The following CFAP44 variants were observed in gnomAD, a reference collection of about 807,000 sequenced individuals.
The protein encoded by CFAP44 is cilia and flagella associated protein 44.
Under a neutral mutation model 216.2 loss-of-function variants are expected in CFAP44, and 134 were observed. The ratio of observed to expected loss-of-function variants is 0.62; its 90% CI spans 0.54 to 0.72. The LOEUF (loss-of-function observed/expected upper bound fraction) is 0.72. CFAP44 is among the 30% of genes least tolerant of loss of function. The probability of loss-of-function intolerance (pLI) is 0.00; values close to 1 mark genes in which losing one functional copy is unlikely to be tolerated. For missense variants in CFAP44, 2,035 were observed against 2,182.1 expected (o/e 0.93, Z 1.34); for synonymous variants, 700 against 727.6 (o/e 0.96, Z 0.61).
chr3:113,339,494 C>A (rs1950310983), intron 24 of CFAP44, among the ~76,000 whole-genome samples: 1 of 152,136 alleles, frequency 6.6e-6, no homozygotes, highest in African/African-American at 2.4e-5. Flanking sequence ...AATTAACCAC[C>A]CTCACCTATG....
At position 113,395,694 on chromosome 3, in the gene CFAP44, A is replaced by G. The variant is rs1409107418; in HGVS notation, c.1890+56T>C. On this transcript the variant is annotated intron_variant, in intron 15 of 34. Transcript: ENST00000393845. ...ACCTGCTATTTTCTATCTACAAGAT[A>G]GTTTCACTATGTAGTAATTGAGATT... The G allele has an allele frequency of 1.2e-5, 17 of 1,446,930 alleles. No individual in the cohort carries two copies. The South Asian group carries it at 1.2e-4, about 11-fold the overall frequency. The allele number at this position is 1,446,930 out of a possible 1,614,324, so 89.6% of individuals were successfully genotyped here. A position where few individuals can be genotyped will look rare whatever the true frequency, so the allele number is the denominator to read the frequency against.
At chr3:113,324,058 A>AAAAAAAAAAAAAAG (rs1553753480) in intron 28 of CFAP44, among the ~76,000 whole-genome samples, 7 of 151,502 alleles carry the variant, frequency 4.6e-5, no homozygotes, top group African/African-American at 1.5e-4. Flanking sequence ...AAAAAAAAAA[A>AAAAAAAAAAAAAAG]AGAGAGAAAT....
At chr3:113,380,309 T>C (rs1042086099) in intron 16 of CFAP44, among the ~76,000 whole-genome samples, 5 of 152,298 alleles carry the variant, frequency 3.3e-5, no homozygotes, top group Middle Eastern at 3.4e-3. Flanking sequence ...CTTCAACAAA[T>C]TGCCTCCCTA....
intron 1 of CFAP44, among the ~76,000 whole-genome samples, chr3:113,441,168 G>A (rs1375080170): frequency 1.3e-5 from 2 of 152,174 alleles, no homozygotes; most frequent in African/African-American, 4.8e-5. Context: ...CAGCTGACTC[G>A]CTGCTGCTCT....
At chr3:113,392,854 C>A (rs1933882094) in intron 15 of CFAP44, among the ~76,000 whole-genome samples, 1 of 152,156 alleles carries the variant, frequency 6.6e-6, no homozygotes, top group Non-Finnish European at 1.5e-5. Context: ...ATTGTCTTCA[C>A]AAAAATAAAA....
chr3:113,433,254 C>A (rs1242150221), intron 2 of CFAP44, among the ~76,000 whole-genome samples: 2 of 151,498 alleles, frequency 1.3e-5, no homozygotes, highest in African/African-American at 4.9e-5. Context: ...TATGATGAAA[C>A]CCCATCTCTA....
intron 17 of CFAP44, among the ~76,000 whole-genome samples, chr3:113,376,689 A>G (rs1933354589): frequency 6.6e-6 from 1 of 152,242 alleles, no homozygotes; most frequent in African/African-American, 2.4e-5. Context: ...AGATATCCCA[A>G]CTGGAATGGG....
At chr3:113,408,156 A>G (rs908989521) in intron 7 of CFAP44, among the ~76,000 whole-genome samples, 1 of 152,234 alleles carries the variant, frequency 6.6e-6, no homozygotes, top group South Asian at 2.1e-4. Flanking sequence ...GATGGATAAA[A>G]ATGTCTTTCT....
chr3:113,424,083 A>C (rs1297687313), intron 4 of CFAP44, among the ~76,000 whole-genome samples: 2 of 152,224 alleles, frequency 1.3e-5, no homozygotes, highest in African/African-American at 4.8e-5. Context: ...GTATGTAAGG[A>C]GGCAGCTTTA....
rs1490766467 is a variant in CFAP44, at chr3:113,294,591, G to T, written c.5373+96C>A. The T allele has an allele frequency of 2.8e-6, 4 of 1,414,292 alleles. No homozygotes were observed. In the African/African-American group the frequency reaches 4.4e-5, roughly 15 times the overall value. The allele number at this position is 1,414,292 out of a possible 1,614,324, so 87.6% of individuals were successfully genotyped here. ...TGGAAGTGGTCCAAGATCAAGCAAG[G>T]TTTGTTTAAATGCCAGTACTTAACA... On this transcript the variant is annotated intron_variant, in intron 34 of 34. Coordinates refer to ENST00000393845, the MANE Select transcript of CFAP44 (RefSeq NM_001164496.2).
At position 113,389,008 on chromosome 3, in the gene CFAP44, C is replaced by T. The variant is rs1023910026; in HGVS notation, c.1890+6742G>A. The stretch of plus-strand genomic sequence containing the variant: ...ACAAGGAAACATTGGACTTAATCTG[C>T]ACTATAGACCAAATTGACCTAATAG... On this transcript the variant is annotated intron_variant, in intron 15 of 34. Transcript: ENST00000393845. Among the ~76,000 whole-genome samples the T allele has an allele frequency of 3.3e-5, 5 of 152,234 alleles. No individual in the cohort carries two copies. The East Asian group carries it at 9.6e-4, about 29-fold the overall frequency.
chr3:113,355,905 A>G lies in CFAP44; in HGVS notation c.3065+2840T>C, dbSNP rs146024970. On this transcript the variant is annotated intron_variant, in intron 22 of 34. Coordinates refer to ENST00000393845, the MANE Select transcript of CFAP44 (RefSeq NM_001164496.2). ...TGTAATCCAAAATGAAGAGAAATAT[A>G]TCAGTCAATAGAAACATGCACAGAA... Among the ~76,000 whole-genome samples the G allele has an allele frequency of 1.9e-3, 289 of 152,072 alleles. 2 individuals are homozygous for G. The highest frequency in any genetic ancestry group is 5.7e-3 in the African/African-American group (236 of 41,514).
At chr3:113,359,912 A>C (rs1222772572) in intron 21 of CFAP44, among the ~76,000 whole-genome samples, 1 of 152,202 alleles carries the variant, frequency 6.6e-6, no homozygotes, top group African/African-American at 2.4e-5. Context: ...TCATTTTTAA[A>C]AATTTTGTAG....
At chr3:113,421,381 T>C (rs1934810949) in intron 4 of CFAP44, among the ~76,000 whole-genome samples, 2 of 152,212 alleles carry the variant, frequency 1.3e-5, no homozygotes, top group Non-Finnish European at 2.9e-5. Context: ...AATGCTTATA[T>C]ACTATCAGTG....
chr3:113,430,166 A>G (rs544210057), intron 2 of CFAP44, among the ~76,000 whole-genome samples: 105 of 152,230 alleles, frequency 6.9e-4, no homozygotes, highest in Non-Finnish European at 1.3e-3. Context: ...ACCAATAATG[A>G]TAAGATACCT....
Position 113,401,635 on chromosome 3 carries a change from G to A in CFAP44, c.1275C>T (p.Leu425=), listed in dbSNP as rs143438550. The change falls in exon 10 of 35, where the codon CTC becomes CTT. Residue 425 remains leucine (L), a synonymous_variant. Coordinates refer to ENST00000393845, the MANE Select transcript of CFAP44 (RefSeq NM_001164496.2). ...NELQVDKNVN[L]FSMIKMNETG... The stretch of plus-strand genomic sequence containing the variant: ...TTTCATTCATTTTTATCATAGAGAA[G>A]AGATTCACATTCTTGTCTACTTGAA... 4.5e-4 allele frequency: 726 copies of A among 1,613,506 alleles called. 1 individual carries two copies. The Middle Eastern group carries it at 0.015, about 32-fold the overall frequency.
At position 113,393,466 on chromosome 3, in the gene CFAP44, G is replaced by C. The variant is rs114126208; in HGVS notation, c.1890+2284C>G. 8.6e-3 allele frequency among the ~76,000 whole-genome samples: 1,304 copies of C among 152,118 alleles called. 15 individuals carry two copies. The highest frequency in any genetic ancestry group is 0.021 in the African/African-American group (876 of 41,470). ...TAGGTGGGGAAGGGGGTGGGTTCTTGTTCTATTCATTCCCAGGAGAGCTGG... is the reference window on the plus strand; with the variant it reads ...TAGGTGGGGAAGGGGGTGGGTTCTTCTTCTATTCATTCCCAGGAGAGCTGG... On this transcript the variant is annotated intron_variant, in intron 15 of 34. Coordinates refer to ENST00000393845, the MANE Select transcript of CFAP44 (RefSeq NM_001164496.2).
At chr3:113,407,180 A>C in intron 7 of CFAP44, 139 bp from the exon 8 acceptor site, 1 of 716,224 alleles carries the variant, frequency 1.4e-6, no homozygotes, top group Admixed American at 2.5e-5. Context: ...AAGATTTATT[A>C]AGTATCTACT....
At chr3:113,342,851 T>A (rs1454671632) in intron 23 of CFAP44, among the ~76,000 whole-genome samples, 2 of 145,088 alleles carry the variant, frequency 1.4e-5, no homozygotes, top group Non-Finnish European at 3.0e-5. Context: ...AAAAAAAAAA[T>A]TAGCCGGGTG....
Sources: allele counts gnomAD v4.1 joint callset (sites outside exome capture counted in the v4.1 genomes callset), GRCh38; gene constraint gnomAD v4.1.1; transcripts MANE v1.5; gene names NCBI Gene and HGNC (gene_info 2026-07-23, HGNC 2026-07-21).